Variants in VSNL1 observed in about 807,000 individuals in gnomAD.
The protein encoded by VSNL1 is visinin like 1, also known as visinin-like protein 1.
VSNL1 carries 6 observed loss-of-function variants against 20.4 expected under a neutral mutation model. The observed-to-expected ratio is 0.29, with a 90% CI of 0.16 to 0.58. VSNL1 has a LOEUF of 0.58. Ranked by LOEUF, VSNL1 falls within the 20% of genes least tolerant of loss-of-function variation. The pLI, the probability that VSNL1 is intolerant of heterozygous loss-of-function variation, is 0.90. For synonymous variants in VSNL1, 93 were observed against 86.4 expected, an observed-to-expected ratio of 1.08 and a Z score of -0.42; for missense variants, 100 against 234.5, an observed-to-expected ratio of 0.43 and a Z score of 3.75.
chr2:17,558,650 C>T (rs1663742264), intron 1 of VSNL1, among the ~76,000 whole-genome samples: 1 of 152,192 alleles, frequency 6.6e-6, no homozygotes, highest in Non-Finnish European at 1.5e-5. Flanking sequence ...CTTAACTGCT[C>T]TCCACTGTCT....
chr2:17,645,627 A>G (rs537135714), intron 2 of VSNL1, among the ~76,000 whole-genome samples: 57 of 152,310 alleles, frequency 3.7e-4, no homozygotes, highest in South Asian at 3.5e-3. Flanking sequence ...GAGGAAACAA[A>G]CATTTTGATA....
chr2:17,624,729 G>A (rs1665467352), intron 2 of VSNL1, among the ~76,000 whole-genome samples: 1 of 152,148 alleles, frequency 6.6e-6, no homozygotes, highest in Non-Finnish European at 1.5e-5. Flanking sequence ...CCTCCAGAAG[G>A]GAATGTAGCT....
chr2:17,557,742 T>C (rs1278585802), intron 1 of VSNL1, among the ~76,000 whole-genome samples: 1 of 152,168 alleles, frequency 6.6e-6, no homozygotes. Context: ...CTCACAAGGC[T>C]CCAGTAACAG....
intron 1 of VSNL1, among the ~76,000 whole-genome samples, chr2:17,572,763 A>G (rs775702337): frequency 1.3e-5 from 2 of 152,120 alleles, no homozygotes; most frequent in Non-Finnish European, 2.9e-5. Context: ...TTACTACTTA[A>G]TCTCTGAACA....
chr2:17,556,684 T>C (rs182016701), intron 1 of VSNL1, among the ~76,000 whole-genome samples: 153 of 152,314 alleles, frequency 1.0e-3, no homozygotes, highest in African/African-American at 3.4e-3. Flanking sequence ...CCAGGACTTA[T>C]TCACATTTAA....
chr2:17,629,457 A>G (rs1341133894), intron 2 of VSNL1, among the ~76,000 whole-genome samples: 1 of 152,216 alleles, frequency 6.6e-6, no homozygotes, highest in East Asian at 1.9e-4. Flanking sequence ...GATCTAAGCT[A>G]TAGCAATTTC....
rs569229446 is a variant in VSNL1, at chr2:17,626,436, G to A, written c.163-22974G>A. The stretch of plus-strand genomic sequence containing the variant: ...ATCTGGCCTCAGTGCCCAGAGCCTC[G>A]GTGCACAGGGGCCACTAAGCGAAGT... On this transcript the variant is annotated intron_variant, in intron 2 of 3. Transcript: ENST00000295156. 3.0e-3 allele frequency among the ~76,000 whole-genome samples: 457 copies of A among 152,236 alleles called. 1 individual carries two copies. The highest frequency in any genetic ancestry group is 4.8e-3 in the Non-Finnish European group (326 of 68,018).
At chr2:17,646,406 G>A (rs1665996826) in intron 2 of VSNL1, among the ~76,000 whole-genome samples, 1 of 152,234 alleles carries the variant, frequency 6.6e-6, no homozygotes, top group African/African-American at 2.4e-5. Flanking sequence ...ATCTCAAGGT[G>A]TGGCAGAAAC....
At chr2:17,628,631 C>A (rs1355077729) in intron 2 of VSNL1, among the ~76,000 whole-genome samples, 1 of 152,234 alleles carries the variant, frequency 6.6e-6, no homozygotes, top group Non-Finnish European at 1.5e-5. Flanking sequence ...GAATACCTCC[C>A]TCTAAATGGT....
At chr2:17,583,322 C>T (rs958507637) in intron 1 of VSNL1, among the ~76,000 whole-genome samples, 2 of 152,232 alleles carry the variant, frequency 1.3e-5, no homozygotes, top group African/African-American at 4.8e-5. Context: ...TCGGCAGCTC[C>T]CTGCTGTTCT....
intron 1 of VSNL1, among the ~76,000 whole-genome samples, chr2:17,549,111 G>A (rs1012295968): frequency 2.6e-5 from 4 of 152,284 alleles, no homozygotes; most frequent in Middle Eastern, 3.4e-3. Context: ...TTCAGGAGAC[G>A]CCTATGCCTC....
At chr2:17,574,836 G>A (rs1437391480) in intron 1 of VSNL1, among the ~76,000 whole-genome samples, 9 of 152,032 alleles carry the variant, frequency 5.9e-5, no homozygotes, top group African/African-American at 1.9e-4. Flanking sequence ...CTGTGATCAC[G>A]GCTCACTGCA....
At chr2:17,551,541 C>T (rs1213991616) in intron 1 of VSNL1, among the ~76,000 whole-genome samples, 1 of 152,054 alleles carries the variant, frequency 6.6e-6, no homozygotes, top group Non-Finnish European at 1.5e-5. Flanking sequence ...AGTGGCTATA[C>T]AAGGAATAAT....
intron 2 of VSNL1, among the ~76,000 whole-genome samples, chr2:17,616,463 G>T (rs1055727346): frequency 1.3e-5 from 2 of 152,206 alleles, no homozygotes; most frequent in Non-Finnish European, 2.9e-5. Context: ...CTTCTCTGCA[G>T]CACTGTGACG....
At position 17,634,834 on chromosome 2, in the gene VSNL1, C is replaced by T. The variant is rs1327266393; in HGVS notation, c.163-14576C>T. On this transcript the variant is annotated intron_variant, in intron 2 of 3. Coordinates refer to ENST00000295156, the MANE Select transcript of VSNL1 (RefSeq NM_003385.5). This position sits in a 1 kb window ranked among gnomAD's most constrained non-coding sequence, Gnocchi z 4.3. ...CACTTTCTCCTGGAACCCCTCAAACCCCAGCCAGAGCCTCCTTGTCCCATG... is the reference window on the plus strand; with the variant it reads ...CACTTTCTCCTGGAACCCCTCAAACTCCAGCCAGAGCCTCCTTGTCCCATG... Among the ~76,000 whole-genome samples the T allele has an allele frequency of 6.6e-6, 1 of 152,162 alleles. No homozygotes were observed. The highest frequency in any genetic ancestry group is 1.5e-5 in the Non-Finnish European group (1 of 68,034).
intron 1 of VSNL1, among the ~76,000 whole-genome samples, chr2:17,574,349 G>C (rs1263896638): frequency 6.6e-6 from 1 of 152,074 alleles, no homozygotes; most frequent in Non-Finnish European, 1.5e-5. Flanking sequence ...ACTCCTTCCT[G>C]ACCCACTGTG....
At chr2:17,548,781 C>A (rs1017345701) in intron 1 of VSNL1, among the ~76,000 whole-genome samples, 2 of 152,150 alleles carry the variant, frequency 1.3e-5, no homozygotes, top group Non-Finnish European at 2.9e-5. Context: ...GGTAACATAA[C>A]ACATATCCCA....
chr2:17,647,548 T>C (rs1013354754), intron 2 of VSNL1, among the ~76,000 whole-genome samples: 1 of 152,158 alleles, frequency 6.6e-6, no homozygotes, highest in Non-Finnish European at 1.5e-5. Context: ...AGATTCAACA[T>C]TGTTTAGTTC....
intron 1 of VSNL1, among the ~76,000 whole-genome samples, chr2:17,548,297 C>G (rs530026818): frequency 6.6e-6 from 1 of 151,940 alleles, no homozygotes; most frequent in South Asian, 2.1e-4. Context: ...GGTTTTCCCC[C>G]CTTCTTCCTC....
Sources: gnomAD v4.1 joint callset for allele counts (sites outside exome capture counted in the v4.1 genomes callset) on GRCh38, gnomAD v4.1.1 for gene constraint, Gnocchi (gnomAD v3.1) non-coding constraint, MANE v1.5 for transcripts, NCBI Gene and HGNC (gene_info 2026-07-23, HGNC 2026-07-21) for gene names.